Variants in PRUNE2 observed in about 807,000 individuals in gnomAD.
PRUNE2 encodes the protein protein prune homolog 2.
PRUNE2 carries 164 observed loss-of-function variants against 252.0 expected under a neutral mutation model. The ratio of observed to expected loss-of-function variants is 0.65; its 90% confidence interval spans 0.57 to 0.74. The LOEUF is 0.74. PRUNE2 is among the 30% of genes least tolerant of loss of function. The pLI is 0.00. For missense variants in PRUNE2, 3,495 were observed against 3,711.0 expected (o/e 0.94, Z 1.51); for synonymous variants, 1,292 against 1,350.2 (o/e 0.96, Z 0.94).
Position 76,826,744 on chromosome 9 carries a change from G to T in PRUNE2, c.509-12C>A. On this transcript the variant is annotated splice_polypyrimidine_tract_variant and intron_variant, in intron 4 of 18. Transcript: ENST00000376718. ...GAAAAGAATGCTACCTGAAAGGTATGAATAAAAATGCTCTTAAAGCTTTCC... is the reference window on the plus strand; with the variant it reads ...GAAAAGAATGCTACCTGAAAGGTATTAATAAAAATGCTCTTAAAGCTTTCC... 6.3e-7 allele frequency: 1 copy of T among 1,581,836 alleles called. No individual in the cohort carries two copies. The highest frequency in any genetic ancestry group is 8.6e-7 in the Non-Finnish European group (1 of 1,160,854).
chr9:76,843,101 A>T (rs2059481268), intron 4 of PRUNE2, among the ~76,000 whole-genome samples: 1 of 152,252 alleles, frequency 6.6e-6, no homozygotes, highest in South Asian at 2.1e-4. Flanking sequence ...CTGGATAAAG[A>T]AAATGTGGCA....
intron 17 of PRUNE2, among the ~76,000 whole-genome samples, chr9:76,619,979 AAAT>A (rs1639628446): frequency 6.6e-6 from 1 of 152,182 alleles, no homozygotes; most frequent in Admixed American, 6.5e-5. Context: ...TAACCTTATA[AAAT>A]AATAAATAAA....
intron 11 of PRUNE2, among the ~76,000 whole-genome samples, chr9:76,647,198 C>T (rs1312529338): frequency 2.0e-5 from 3 of 152,174 alleles, no homozygotes; most frequent in Admixed American, 1.3e-4. Context: ...TTGTATACTA[C>T]TTTCTTTATT....
chr9:76,749,683 C>T (rs1222817952), intron 6 of PRUNE2, among the ~76,000 whole-genome samples: 1 of 152,164 alleles, frequency 6.6e-6, no homozygotes, highest in Admixed American at 6.5e-5. Flanking sequence ...TTTGACTTTA[C>T]TGCGTCAGGT....
At chr9:76,629,136 C>T in intron 16 of PRUNE2, 56 bp downstream of exon 16, 1 of 1,108,276 alleles carries the variant, frequency 9.0e-7, no homozygotes, top group Non-Finnish European at 1.3e-6. Flanking sequence ...AGCCACCACA[C>T]CCAGCCTCAA....
At chr9:76,839,898 T>C (rs751059904) in intron 4 of PRUNE2, among the ~76,000 whole-genome samples, 4 of 152,220 alleles carry the variant, frequency 2.6e-5, no homozygotes, top group Non-Finnish European at 4.4e-5. Context: ...TCCTAGATGA[T>C]GGCTTTTAAG....
rs1050429756 is a variant in PRUNE2 at position 76,708,337 on chromosome 9, G to A, written c.3937C>T (p.Pro1313Ser). The A allele has an allele frequency of 6.2e-7, 1 of 1,613,566 alleles. No individual in the cohort carries two copies. Among genetic ancestry groups the A allele is most frequent in the African/African-American group, 1.3e-5 (1 of 74,854 alleles). ...TCGCCATGACCTTTCCATGGATCTG[G>A]GTGTGGAAAATACCCTGGATTCTCA... The part of the protein sequence containing the change: ...RLENPGYFPH[P>S]DPWKGHGDGQ... Residue 1313 changes from proline to serine, a missense_variant, in exon 8 of 19, where the codon CCA becomes TCA. Physicochemically the swap from Pro to Ser is moderately conservative, Grantham distance 74. Coordinates refer to ENST00000376718, the MANE Select transcript of PRUNE2 (RefSeq NM_015225.3).
chr9:76,629,234 A>G lies in PRUNE2; in HGVS notation c.9107T>C (p.Leu3036Pro), dbSNP rs1251294463. 1 of 1,607,604 alleles carries G rather than the reference A, an allele frequency of 6.2e-7. No individual in the cohort carries two copies. The highest frequency in any genetic ancestry group is 8.5e-7 in the Non-Finnish European group (1 of 1,176,778). The change falls in exon 16 of 19, where the codon CTG becomes CCG. Residue 3036 changes from leucine (L) to proline (P), a missense_variant. Transcript: ENST00000376718. Reference sequence around the variant, plus strand: ...AATGTGGATGCAATCCATTGGGATCAGCCCACTGAGTTCTGATAAGCTATT... The same window carrying G: ...AATGTGGATGCAATCCATTGGGATCGGCCCACTGAGTTCTGATAAGCTATT... ...YVNSLSELSG[L>P]IPMDCIHIPE...
At chr9:76,656,420 C>A (rs1384665908) in intron 9 of PRUNE2, among the ~76,000 whole-genome samples, 1 of 152,054 alleles carries the variant, frequency 6.6e-6, no homozygotes, top group Non-Finnish European at 1.5e-5. Context: ...CATGATAAAC[C>A]TTTATGTTAA....
At position 76,904,500 on chromosome 9, in the gene PRUNE2, C is replaced by T. The variant is rs7040483; in HGVS notation, c.36+1428G>A. On this transcript the variant is annotated intron_variant, in intron 1 of 18. Transcript: ENST00000376718. ...TGATTACCATTTTCATACACACACA[C>T]GCACAGTTGCCAAAATTGTCTTTCA... is the stretch of plus-strand genomic sequence containing the variant. 3.7e-3 allele frequency among the ~76,000 whole-genome samples: 566 copies of T among 152,276 alleles called. 15 individuals carry two copies. The East Asian group carries it at 0.09, about 24-fold the overall frequency.
intron 15 of PRUNE2, among the ~76,000 whole-genome samples, chr9:76,632,546 A>G (rs536134471): frequency 6.6e-6 from 1 of 152,248 alleles, no homozygotes; most frequent in South Asian, 2.1e-4. Context: ...GGCTGAAGCC[A>G]GCTGCTGTCA....
At chr9:76,765,768 C>CT (rs1401439870) in intron 6 of PRUNE2, among the ~76,000 whole-genome samples, 1 of 152,206 alleles carries the variant, frequency 6.6e-6, no homozygotes, top group East Asian at 1.9e-4. Context: ...GCTTTCTGAA[C>CT]TTGTCCAAAC....
At chr9:76,724,154 A>C (rs1451544464) in intron 6 of PRUNE2, among the ~76,000 whole-genome samples, 1 of 149,234 alleles carries the variant, frequency 6.7e-6, no homozygotes, top group East Asian at 2.0e-4. Flanking sequence ...CTGAAAGCAC[A>C]GGTTAAGAAC....
chr9:76,655,329 A>AAGTT (rs1848772112), intron 10 of PRUNE2, 94 bp downstream of exon 10: 1 of 901,722 alleles, frequency 1.1e-6, no homozygotes, highest in Non-Finnish European at 1.8e-6. Flanking sequence ...CTGAAATCAT[A>AAGTT]AGTTAGATGC....
At chr9:76,782,881 G>C (rs562289216) in intron 6 of PRUNE2, 1 of 152,342 alleles carries the variant, frequency 6.6e-6, no homozygotes, top group East Asian at 1.9e-4. Flanking sequence ...AGAAGTGCTG[G>C]CCTTTAACCA....
chr9:76,862,692 A>G (rs942291961), intron 1 of PRUNE2: 2 of 152,226 alleles, frequency 1.3e-5, no homozygotes, highest in African/African-American at 4.8e-5. Context: ...TATGTTCATT[A>G]TAAAACATTT....
chr9:76,732,201 C>A (rs957161776), intron 6 of PRUNE2, among the ~76,000 whole-genome samples: 2 of 152,110 alleles, frequency 1.3e-5, no homozygotes, highest in African/African-American at 4.8e-5. Flanking sequence ...GTAGTCCCAG[C>A]TACTGGGGGC....
intron 12 of PRUNE2, among the ~76,000 whole-genome samples, chr9:76,643,824 C>T (rs1045336759): frequency 1.3e-5 from 2 of 152,116 alleles, no homozygotes; most frequent in African/African-American, 4.8e-5. Context: ...ACAGATCAGC[C>T]TTCTGCTTGT....
intron 6 of PRUNE2, among the ~76,000 whole-genome samples, chr9:76,732,494 TTAC>T (rs1482498384): frequency 3.3e-5 from 5 of 152,172 alleles, no homozygotes; most frequent in African/African-American, 1.2e-4. Context: ...TGCCTTTCAT[TTAC>T]TCTAACTTTA....
Sources: gnomAD v4.1 joint callset for allele counts (sites outside exome capture counted in the v4.1 genomes callset) on GRCh38, gnomAD v4.1.1 for gene constraint, MANE v1.5 for transcripts, NCBI Gene and HGNC (gene_info 2026-07-23, HGNC 2026-07-21) for gene names.